The following BTRC variants were observed in gnomAD, a reference collection of about 807,000 sequenced individuals.
The protein encoded by BTRC is beta-transducin repeat containing E3 ubiquitin protein ligase.
A neutral mutation model predicts 85.5 loss-of-function variants in BTRC; 42 were observed. The observed-to-expected ratio is 0.49, with a 90% CI of 0.38 to 0.64. The LOEUF is 0.64. Among genes scored for constraint, BTRC ranks in the 30% least tolerant of loss-of-function variants. BTRC has a pLI of 0.00. For synonymous variants in BTRC, 255 were observed against 263.3 expected (o/e 0.97, Z 0.30); for missense variants, 594 against 743.5 (o/e 0.80, Z 2.34).
At chr10:101,402,608 C>T (rs1589425577) in intron 1 of BTRC, among the ~76,000 whole-genome samples, 1 of 152,172 alleles carries the variant, frequency 6.6e-6, no homozygotes, top group East Asian at 1.9e-4. Flanking sequence ...TATAGATGGA[C>T]TTAAATTACA....
At chr10:101,549,688 G>T (rs1453550564) in intron 13 of BTRC, among the ~76,000 whole-genome samples, 1 of 120,882 alleles carries the variant, frequency 8.3e-6, no homozygotes, top group East Asian at 3.1e-4. Flanking sequence ...CACTCCAGCA[G>T]GGGCGAAAGA....
intron 12 of BTRC, among the ~76,000 whole-genome samples, chr10:101,537,515 G>A (rs766823414): frequency 3.3e-5 from 5 of 152,132 alleles, no homozygotes; most frequent in East Asian, 1.9e-4. Flanking sequence ...GCAACAGAGC[G>A]AGACTCCGTC....
intron 4 of BTRC, among the ~76,000 whole-genome samples, chr10:101,509,863 G>A (rs1946654244): frequency 6.6e-6 from 1 of 151,640 alleles, no homozygotes; most frequent in South Asian, 2.1e-4. Flanking sequence ...TGCCTGACTG[G>A]CTTTTTTTTT....
intron 2 of BTRC, among the ~76,000 whole-genome samples, chr10:101,456,222 G>A (rs891655971): frequency 6.6e-6 from 1 of 151,986 alleles, no homozygotes; most frequent in Admixed American, 6.6e-5. Flanking sequence ...TATATCATTT[G>A]GATTTAGGCA....
At chr10:101,454,474 A>G (rs1389356031) in intron 2 of BTRC, among the ~76,000 whole-genome samples, 1 of 152,192 alleles carries the variant, frequency 6.6e-6, no homozygotes, top group Non-Finnish European at 1.5e-5. Context: ...TGAGTGAACT[A>G]GACTGGAGTT....
At chr10:101,425,304 C>G (rs1002962421) in intron 1 of BTRC, among the ~76,000 whole-genome samples, 10 of 151,832 alleles carry the variant, frequency 6.6e-5, no homozygotes, top group Non-Finnish European at 1.2e-4. Flanking sequence ...TTATTTTTTT[C>G]TGTGCTGTGT....
rs1943378694 is a variant in BTRC at position 101,396,907 on chromosome 10, A to G, written c.49-33438A>G. 3.3e-5 allele frequency among the ~76,000 whole-genome samples: 5 copies of G among 152,016 alleles called. No homozygotes were observed. The South Asian group carries it at 6.2e-4, about 19-fold the overall frequency. On this transcript the variant is annotated intron_variant, in intron 1 of 14. Coordinates refer to ENST00000370187, the MANE Select transcript of BTRC (RefSeq NM_033637.4). ...AACCTCCGCCTCCCGGATTCAAGCA[A>G]TTCTCCTGCCTCAGCCTCCAAAGTA...
At position 101,475,953 on chromosome 10, in the gene BTRC, A is replaced by ATATT. The variant is rs1265691229; in HGVS notation, c.235-3414_235-3413insATTT. Among the ~76,000 whole-genome samples, 277 of 133,792 alleles carry ATATT rather than the reference A, an allele frequency of 2.1e-3. 10 individuals are homozygous for ATATT. Among genetic ancestry groups the ATATT allele is most frequent in the Non-Finnish European group, 2.7e-3 (172 of 63,216 alleles). 87.8% of individuals were successfully genotyped at this position (133,792 alleles called of 152,430 possible). The stretch of plus-strand genomic sequence containing the variant: ...TATATATATATATATATATATATAT[A>ATATT]TTCAGTAATTCCTAAGGGGAAAATA... On this transcript the variant is annotated intron_variant, in intron 3 of 14. Coordinates refer to ENST00000370187, the MANE Select transcript of BTRC (RefSeq NM_033637.4).
intron 3 of BTRC, among the ~76,000 whole-genome samples, chr10:101,464,123 C>T (rs192449806): frequency 5.3e-5 from 8 of 152,182 alleles, no homozygotes; most frequent in South Asian, 2.1e-4. Flanking sequence ...AAACAACTGT[C>T]GGAAAACAAT....
At chr10:101,375,899 T>C (rs1209351131) in intron 1 of BTRC, among the ~76,000 whole-genome samples, 1 of 152,172 alleles carries the variant, frequency 6.6e-6, no homozygotes, top group Non-Finnish European at 1.5e-5. Flanking sequence ...TGACAAAATA[T>C]CTAGTCCACT....
At chr10:101,525,414 T>C (rs10509752) in intron 5 of BTRC, among the ~76,000 whole-genome samples, 1 of 152,198 alleles carries the variant, frequency 6.6e-6, no homozygotes, top group South Asian at 2.1e-4. Context: ...ATTAAACCCA[T>C]TCTTGAACTT....
chr10:101,541,887 G>T (rs1035976214), intron 13 of BTRC, among the ~76,000 whole-genome samples: 2 of 152,006 alleles, frequency 1.3e-5, no homozygotes, highest in African/African-American at 4.8e-5. Flanking sequence ...AGGGATATTG[G>T]TTTGTTGCTT....
chr10:101,430,392 C>T lies in BTRC; in HGVS notation c.96C>T (p.Asp32=). The change falls in exon 2 of 15, where the codon GAC becomes GAT. Residue 32 remains aspartate, a synonymous_variant. Transcript: ENST00000370187. ...GGCTGGGCTGCTCCAGCCTGGCGGA[C>T]AGCATGCCTTCGCTGCGATGCCTGT... ...SLWLGCSSLA[D]SMPSLRCLYN... is the part of the protein sequence containing the mutation. The T allele has an allele frequency of 1.9e-6, 3 of 1,614,114 alleles. No homozygotes were observed. Among genetic ancestry groups the T allele is most frequent in the South Asian group, 2.2e-5 (2 of 91,062 alleles).
intron 1 of BTRC, among the ~76,000 whole-genome samples, chr10:101,422,292 T>G (rs1264252785): frequency 6.6e-6 from 1 of 152,232 alleles, no homozygotes; most frequent in Non-Finnish European, 1.5e-5. Context: ...TCTGTTCATA[T>G]CCTTCACCCA....
At chr10:101,392,418 A>G (rs921063632) in intron 1 of BTRC, among the ~76,000 whole-genome samples, 1 of 152,234 alleles carries the variant, frequency 6.6e-6, no homozygotes, top group Non-Finnish European at 1.5e-5. Context: ...ATTTAACATC[A>G]GATTAAGGGA....
chr10:101,410,692 T>A (rs796757591), intron 1 of BTRC, among the ~76,000 whole-genome samples: 52 of 136,656 alleles, frequency 3.8e-4, no homozygotes, highest in African/African-American at 1.2e-3. Flanking sequence ...CATTTTTTAA[T>A]TGAGTTGTCT....
chr10:101,427,583 A>G (rs1944293416), intron 1 of BTRC, among the ~76,000 whole-genome samples: 1 of 147,778 alleles, frequency 6.8e-6, no homozygotes, highest in Non-Finnish European at 1.5e-5. Context: ...GCTGGTGTGC[A>G]GTGGCATGAT....
chr10:101,466,204 T>G (rs1411005442), intron 3 of BTRC, among the ~76,000 whole-genome samples: 4 of 152,160 alleles, frequency 2.6e-5, no homozygotes, highest in Non-Finnish European at 5.9e-5. Context: ...CATCCCCCAT[T>G]TCCTTTGTGT....
intron 1 of BTRC, among the ~76,000 whole-genome samples, chr10:101,389,117 G>GTTTT (rs1169198314): frequency 5.1e-4 from 27 of 53,030 alleles, no homozygotes; most frequent in East Asian, 1.1e-3. Flanking sequence ...TTTTTTGTGT[G>GTTTT]TGTTTTTTTT....
Sources: allele counts gnomAD v4.1 joint callset (sites outside exome capture counted in the v4.1 genomes callset), GRCh38; gene constraint gnomAD v4.1.1; transcripts MANE v1.5; gene names NCBI Gene and HGNC (gene_info 2026-07-23, HGNC 2026-07-21).